The following PRDM5 variants were observed in gnomAD, a reference collection of about 807,000 sequenced individuals.
The protein encoded by PRDM5 is PR domain zinc finger protein 5.
In PRDM5, 56 loss-of-function variants were observed where a neutral mutation model predicts 81.2. That is an observed-to-expected ratio of 0.69 (90% CI 0.56 to 0.86). The LOEUF (loss-of-function observed/expected upper bound fraction) is 0.86, where lower values mean the gene tolerates loss of function less well. Among genes scored for constraint, PRDM5 ranks in the 40% least tolerant of loss-of-function variants. The pLI is 0.00. For missense variants in PRDM5, 697 were observed against 770.1 expected (o/e 0.91, Z 1.12); for synonymous variants, 267 against 256.4 (o/e 1.04, Z -0.39).
At chr4:120,727,685 C>T (rs1365869442) in intron 14 of PRDM5, among the ~76,000 whole-genome samples, 6 of 152,084 alleles carry the variant, frequency 3.9e-5, no homozygotes, top group South Asian at 2.1e-4. Flanking sequence ...CATGTAATCC[C>T]AACACTTTGG....
chr4:120,690,335 T>C (rs1335622854), downstream of PRDM5, among the ~76,000 whole-genome samples: 2 of 152,140 alleles, frequency 1.3e-5, no homozygotes, highest in African/African-American at 4.8e-5. Flanking sequence ...AAGCACCAGA[T>C]TTCTCTTTGA....
chr4:120,910,753 T>C (rs1443583400), intron 1 of PRDM5, among the ~76,000 whole-genome samples: 1 of 152,200 alleles, frequency 6.6e-6, no homozygotes, highest in Non-Finnish European at 1.5e-5. Flanking sequence ...ATAAATGAAG[T>C]ATATACATGT....
At chr4:120,863,535 G>A (rs1011286847) in intron 2 of PRDM5, among the ~76,000 whole-genome samples, 9 of 152,140 alleles carry the variant, frequency 5.9e-5, no homozygotes, top group Middle Eastern at 3.4e-3. Flanking sequence ...GTCATTTCAA[G>A]ATTAACAAAG....
chr4:120,725,862 G>C (rs1235615944), intron 14 of PRDM5, among the ~76,000 whole-genome samples: 1 of 152,032 alleles, frequency 6.6e-6, no homozygotes, highest in Non-Finnish European at 1.5e-5. Context: ...TAGATAAGAA[G>C]AATTCTGCTA....
intron 14 of PRDM5, among the ~76,000 whole-genome samples, chr4:120,749,791 C>T (rs940206685): frequency 6.6e-6 from 1 of 152,124 alleles, no homozygotes; most frequent in African/African-American, 2.4e-5. Context: ...TGCACTGACA[C>T]CAAGGGGAGG....
At chr4:120,873,775 C>T (rs990912298) in intron 2 of PRDM5, among the ~76,000 whole-genome samples, 2 of 152,162 alleles carry the variant, frequency 1.3e-5, no homozygotes, top group Non-Finnish European at 2.9e-5. Flanking sequence ...GCTTCATTTG[C>T]CTTTATTTGC....
intron 14 of PRDM5, among the ~76,000 whole-genome samples, chr4:120,717,310 G>A (rs1296684868): frequency 1.3e-5 from 2 of 152,122 alleles, no homozygotes; most frequent in African/African-American, 4.8e-5. Context: ...TCTATTAGAG[G>A]CAGAATTAAT....
intron 15 of PRDM5, among the ~76,000 whole-genome samples, chr4:120,707,116 A>G (rs961099130): frequency 2.6e-5 from 4 of 152,104 alleles, no homozygotes; most frequent in Non-Finnish European, 5.9e-5. Flanking sequence ...TGTTATGAAA[A>G]AAGAAAACTA....
chr4:120,814,060 C>G (rs1335659461), intron 7 of PRDM5, among the ~76,000 whole-genome samples: 1 of 152,200 alleles, frequency 6.6e-6, no homozygotes, highest in Non-Finnish European at 1.5e-5. Context: ...CCTAGCTCCT[C>G]TGAGAAGACA....
chr4:120,808,156 A>G (rs1174172966), intron 8 of PRDM5, among the ~76,000 whole-genome samples: 1 of 152,134 alleles, frequency 6.6e-6, no homozygotes, highest in Non-Finnish European at 1.5e-5. Context: ...GCGGGTTGCC[A>G]CTGCTGGCTG....
At chr4:120,884,209 G>C (rs1217997589) in intron 2 of PRDM5, among the ~76,000 whole-genome samples, 1 of 152,048 alleles carries the variant, frequency 6.6e-6, no homozygotes, top group Admixed American at 6.6e-5. Context: ...ATATCAGCAA[G>C]AGTGAATACA....
At chr4:120,747,956 G>A (rs757173282) in intron 14 of PRDM5, among the ~76,000 whole-genome samples, 2 of 152,198 alleles carry the variant, frequency 1.3e-5, no homozygotes, top group African/African-American at 2.4e-5. Context: ...TATACGAGAC[G>A]TGAAGTTTTC....
chr4:120,876,101 C>A (rs1762307196), intron 2 of PRDM5, among the ~76,000 whole-genome samples: 1 of 152,132 alleles, frequency 6.6e-6, no homozygotes, highest in African/African-American at 2.4e-5. Context: ...AGCTGAGCTA[C>A]AGAGAAATAC....
At position 120,693,548 on chromosome 4, in the gene PRDM5, GT is replaced by G. The variant is rs1211451029; in HGVS notation, c.*1562del. On this transcript the variant is annotated 3_prime_UTR_variant, in exon 16 of 16. Transcript: ENST00000264808. Reference sequence around the variant, plus strand: ...TCTAAACTATAATTTTAGGATTTATGTTTTTAAAAGTTATCTCTTCTGAGTT... The same window carrying G: ...TCTAAACTATAATTTTAGGATTTATGTTTTAAAAGTTATCTCTTCTGAGTT... The G allele has an allele frequency of 6.6e-6, 1 of 151,994 alleles. No individual in the cohort carries two copies. Among genetic ancestry groups the G allele is most frequent in the Non-Finnish European group, 1.5e-5 (1 of 67,976 alleles). 9.4% of individuals were successfully genotyped at this position (151,994 alleles called of 1,614,324 possible).
chr4:120,744,173 A>G (rs1458608371), intron 14 of PRDM5, among the ~76,000 whole-genome samples: 1 of 152,022 alleles, frequency 6.6e-6, no homozygotes, highest in African/African-American at 2.4e-5. Context: ...CGTGCTCCTG[A>G]ATGACTACTG....
At chr4:120,803,290 A>G (rs1317194494) in intron 8 of PRDM5, among the ~76,000 whole-genome samples, 1 of 152,212 alleles carries the variant, frequency 6.6e-6, no homozygotes, top group Non-Finnish European at 1.5e-5. Flanking sequence ...TCTGCAGGAT[A>G]TTATCCAGGA....
chr4:120,775,697 C>T (rs1748051519), intron 13 of PRDM5, among the ~76,000 whole-genome samples: 1 of 152,128 alleles, frequency 6.6e-6, no homozygotes, highest in African/African-American at 2.4e-5. Flanking sequence ...TATGTACATG[C>T]ACACTAATAC....
In PRDM5 at chr4:120,853,479, T is replaced by C. The variant is rs764238097; in HGVS notation, c.239A>G (p.Asn80Ser). ...TGCCTCATGAACGAAGCGAAGCCAG[T>C]TGGAGTGCCGTGGGTTGGTAGCATC... ...ILDATNPRHS[N>S]WLRFVHEAPS... The change falls in exon 3 of 16, where the codon AAC (asparagine) becomes AGC (serine). Residue 80 changes from asparagine (N) to serine (S), a missense_variant. This residue lies in a region of PRDM5 where 577 missense variants were observed against 606.7 expected (regional missense o/e 0.95). Coordinates refer to ENST00000264808, the MANE Select transcript of PRDM5 (RefSeq NM_018699.4). 10 of 1,613,792 alleles carry C rather than the reference T, an allele frequency of 6.2e-6. No individual in the cohort carries two copies. The East Asian group carries it at 6.7e-5, about 11-fold the overall frequency.
intron 2 of PRDM5, among the ~76,000 whole-genome samples, chr4:120,858,880 T>C (rs921178603): frequency 6.6e-6 from 1 of 152,044 alleles, no homozygotes; most frequent in Non-Finnish European, 1.5e-5. Flanking sequence ...CATTCTGGAG[T>C]GGTAAAGATG....
Sources: allele counts gnomAD v4.1 joint callset (sites outside exome capture counted in the v4.1 genomes callset), GRCh38; gene constraint gnomAD v4.1.1; regional missense constraint gnomAD v4.1.1; transcripts MANE v1.5; gene names NCBI Gene and HGNC (gene_info 2026-07-23, HGNC 2026-07-21).